Variants in AMZ1 observed in about 807,000 individuals in gnomAD.
AMZ1 encodes the protein archaemetzincin-1.
In AMZ1, 39 loss-of-function variants were observed where a neutral mutation model predicts 29.9. The observed-to-expected ratio is 1.30, with a 90% confidence interval of 1.01 to 1.70. AMZ1 has a LOEUF of 1.70. Ranked by LOEUF, AMZ1 falls within the 40% of genes most tolerant of loss-of-function variation. AMZ1 has a pLI of 0.00. For missense variants in AMZ1, 1,041 were observed against 680.6 expected (o/e 1.53, Z -5.89); for synonymous variants, 458 against 304.0 (o/e 1.51, Z -5.27).
intron 1 of AMZ1, among the ~76,000 whole-genome samples, chr7:2,682,804 C>T (rs1786932474): frequency 2.0e-5 from 3 of 152,066 alleles, no homozygotes; most frequent in Non-Finnish European, 4.4e-5. Flanking sequence ...CCCTGCCCCA[C>T]TTCCTGCACC....
upstream of AMZ1, among the ~76,000 whole-genome samples, chr7:2,685,144 C>T (rs1013635112): frequency 6.6e-6 from 1 of 151,462 alleles, no homozygotes; most frequent in African/African-American, 2.4e-5. Context: ...GCTGGGATTA[C>T]AGGTTGAGCC....
At chr7:2,720,998 AATGT>A (rs1789395550), downstream of AMZ1, among the ~76,000 whole-genome samples, 1 of 152,194 alleles carries the variant, frequency 6.6e-6, no homozygotes, top group Admixed American at 6.5e-5. Flanking sequence ...TGTTTATACG[AATGT>A]CACAGCATGT....
chr7:2,736,498 A>G (rs798522), intron 4 of AMZ1, among the ~76,000 whole-genome samples: 82,949 of 152,014 alleles, frequency 0.55, 23,340 homozygotes, highest in Non-Finnish European at 0.62. Context: ...AACAGAAGGG[A>G]TGAACCTGAG....
chr7:2,722,757 G>C (rs995510125), downstream of AMZ1, among the ~76,000 whole-genome samples: 1 of 152,312 alleles, frequency 6.6e-6, no homozygotes, highest in Middle Eastern at 3.4e-3. Context: ...AGGATCACTT[G>C]AGGCCAAGAG....
chr7:2,726,544 T>A (rs758324774), intron 4 of AMZ1, among the ~76,000 whole-genome samples: 11 of 152,144 alleles, frequency 7.2e-5, no homozygotes, highest in Non-Finnish European at 1.3e-4. Context: ...CATGGAGACG[T>A]GAGGACATCC....
At chr7:2,694,121 G>A (rs1787565314) in intron 1 of AMZ1, among the ~76,000 whole-genome samples, 1 of 152,196 alleles carries the variant, frequency 6.6e-6, no homozygotes, top group African/African-American at 2.4e-5. Flanking sequence ...CTGTGAGGGT[G>A]CTCGAGATGA....
chr7:2,712,899 G>C lies in AMZ1; in HGVS notation c.*21G>C. 1 of 1,508,506 alleles carries C rather than the reference G, an allele frequency of 6.6e-7. No individual in the cohort carries two copies. Among genetic ancestry groups the C allele is most frequent in the Non-Finnish European group, 8.9e-7 (1 of 1,128,576 alleles). 93.4% of individuals were successfully genotyped at this position (1,508,506 alleles called of 1,614,324 possible). On this transcript the variant is annotated 3_prime_UTR_variant, in exon 7 of 7. Coordinates refer to ENST00000683327, the MANE Select transcript of AMZ1 (RefSeq NM_001384743.1). ...GTTAGTACAGCAGGGGCTGCCCTAC[G>C]TCTCCTTCCCTAAGGATGCTGGCCA...
chr7:2,699,572 G>A (rs1583157703), intron 1 of AMZ1, among the ~76,000 whole-genome samples: 1 of 151,502 alleles, frequency 6.6e-6, no homozygotes, highest in African/African-American at 2.4e-5. Flanking sequence ...ACAGGGACCT[G>A]CTAGGAAAGC....
rs187460428 is a variant in AMZ1 at position 2,719,093 on chromosome 7, C to T, written c.*6215C>T. ...TGTGCCCTTCTGGGTGGGTGGTGGC[C>T]GTCCTCTTGGGCGCCCCCTTGTGAG... On this transcript the variant is annotated 3_prime_UTR_variant, in exon 7 of 7. Transcript: ENST00000683327. Among the ~76,000 whole-genome samples, 357 of 151,684 alleles carry T rather than the reference C, an allele frequency of 2.4e-3. 1 individual carries two copies. The highest frequency in any genetic ancestry group is 3.7e-3 in the Admixed American group (57 of 15,256).
chr7:2,696,311 C>T (rs1169640881), intron 1 of AMZ1, among the ~76,000 whole-genome samples: 1 of 143,100 alleles, frequency 7.0e-6, no homozygotes, highest in Non-Finnish European at 1.5e-5. Flanking sequence ...GGCTGGAGTG[C>T]AGTGGTGCGA....
chr7:2,758,445 G>T (rs985765000), intron 4 of AMZ1, among the ~76,000 whole-genome samples: 1 of 152,196 alleles, frequency 6.6e-6, no homozygotes, highest in Non-Finnish European at 1.5e-5. Flanking sequence ...GTGCTGTCAG[G>T]GTTCTAAGAC....
At chr7:2,710,391 C>T (rs1283709385) in intron 6 of AMZ1, among the ~76,000 whole-genome samples, 1 of 152,230 alleles carries the variant, frequency 6.6e-6, no homozygotes, top group African/African-American at 2.4e-5. Flanking sequence ...GGTAATTTTT[C>T]TTCAAACCCA....
intron 3 of AMZ1, among the ~76,000 whole-genome samples, chr7:2,704,888 G>T (rs1173971029): frequency 6.6e-6 from 1 of 152,076 alleles, no homozygotes; most frequent in Admixed American, 6.6e-5. Flanking sequence ...GAGCCACTGC[G>T]CCCGGCCCAG....
At chr7:2,720,201 C>T (rs901415798), downstream of AMZ1, among the ~76,000 whole-genome samples, 2 of 152,106 alleles carry the variant, frequency 1.3e-5, no homozygotes, top group South Asian at 2.1e-4. Flanking sequence ...TGACATGGAC[C>T]GGTTCATCTA....
At position 2,719,554 on chromosome 7, in the gene AMZ1, C is replaced by G. The variant is rs1474175320; in HGVS notation, c.*6676C>G. On this transcript the variant is annotated 3_prime_UTR_variant, in exon 7 of 7. Transcript: ENST00000683327. ...AAAATCCAGTCCAAGTGGAAATACA[C>G]CTGGAACATTTTATACTGCAATGAC... Among the ~76,000 whole-genome samples the G allele has an allele frequency of 2.0e-5, 3 of 152,192 alleles. No individual in the cohort carries two copies. The East Asian group carries it at 5.8e-4, about 29-fold the overall frequency.
chr7:2,721,210 T>C (rs1789406398), downstream of AMZ1, among the ~76,000 whole-genome samples: 1 of 151,486 alleles, frequency 6.6e-6, no homozygotes, highest in Non-Finnish European at 1.5e-5. Flanking sequence ...CAGGGGAGGG[T>C]GGAGCTCAGG....
chr7:2,716,018 C>T lies in AMZ1; in HGVS notation c.*3140C>T, dbSNP rs868662964. On this transcript the variant is annotated 3_prime_UTR_variant, in exon 7 of 7. Transcript: ENST00000683327. ...GATGGGTCTTCCAGCTTGACGATGA[C>T]CTCTCTTCGGAGAGCCTCACCCATC... The T allele has an allele frequency of 2.6e-5, 4 of 152,246 alleles. No homozygotes were observed. Among genetic ancestry groups the T allele is most frequent in the Non-Finnish European group, 4.4e-5 (3 of 68,056 alleles). 9.4% of individuals were successfully genotyped at this position (152,246 alleles called of 1,614,324 possible).
At chr7:2,701,142 A>T (rs1788031353) in intron 2 of AMZ1, among the ~76,000 whole-genome samples, 1 of 152,092 alleles carries the variant, frequency 6.6e-6, no homozygotes, top group South Asian at 2.1e-4. Flanking sequence ...GAGGCAGGAG[A>T]ATCGCTTGAA....
At chr7:2,696,008 G>C (rs1787696235) in intron 1 of AMZ1, among the ~76,000 whole-genome samples, 1 of 109,588 alleles carries the variant, frequency 9.1e-6, no homozygotes, top group South Asian at 3.2e-4. Flanking sequence ...AACTGTCTTG[G>C]GGGGGAAAAA....
Sources: allele counts gnomAD v4.1 joint callset (sites outside exome capture counted in the v4.1 genomes callset), GRCh38; gene constraint gnomAD v4.1.1; transcripts MANE v1.5; gene names NCBI Gene and HGNC (gene_info 2026-07-23, HGNC 2026-07-21).